The following CNTN5 variants were observed in gnomAD, a reference collection of about 807,000 sequenced individuals.
The protein encoded by CNTN5 is contactin 5.
CNTN5 carries 77 observed loss-of-function variants against 129.1 expected under a neutral mutation model. The observed-to-expected ratio is 0.60, with a 90% CI of 0.50 to 0.72. The LOEUF (loss-of-function observed/expected upper bound fraction) is 0.72. Among genes scored for constraint, CNTN5 ranks in the 30% least tolerant of loss-of-function variants. The probability of loss-of-function intolerance (pLI) is 0.00; values close to 1 mark genes in which losing one functional copy is unlikely to be tolerated. For synonymous variants in CNTN5, 509 were observed against 465.6 expected, an observed-to-expected ratio of 1.09 and a Z score of -1.20; for missense variants, 1,478 against 1,328.8, an observed-to-expected ratio of 1.11 and a Z score of -1.75.
intron 3 of CNTN5, among the ~76,000 whole-genome samples, chr11:99,562,374 G>A (rs577932424): frequency 1.6e-4 from 25 of 152,138 alleles, no homozygotes; most frequent in African/African-American, 5.8e-4. Flanking sequence ...GAATATACAT[G>A]TTAATAAACT....
chr11:99,565,658 A>G (rs1480158898), intron 3 of CNTN5, among the ~76,000 whole-genome samples: 10 of 152,174 alleles, frequency 6.6e-5, no homozygotes, highest in African/African-American at 2.2e-4. Context: ...AAAATGATTT[A>G]CTACTCCTTA....
chr11:100,054,198 A>G (rs1943102824), intron 9 of CNTN5, among the ~76,000 whole-genome samples: 1 of 151,706 alleles, frequency 6.6e-6, no homozygotes, highest in Non-Finnish European at 1.5e-5. Context: ...GCTACAATAT[A>G]GTGGCCAAAG....
At chr11:100,007,102 A>C (rs1940242192) in intron 9 of CNTN5, among the ~76,000 whole-genome samples, 1 of 151,978 alleles carries the variant, frequency 6.6e-6, no homozygotes, top group Non-Finnish European at 1.5e-5. Flanking sequence ...TTTTTTTCTG[A>C]GCTGTAGGTC....
chr11:99,978,994 T>A (rs1938173319), intron 8 of CNTN5, among the ~76,000 whole-genome samples: 1 of 152,230 alleles, frequency 6.6e-6, no homozygotes, highest in Admixed American at 6.5e-5. Context: ...CCGCTTTAAC[T>A]ATGTGACCCA....
chr11:99,564,540 T>A (rs12804234), intron 3 of CNTN5, among the ~76,000 whole-genome samples: 2 of 152,202 alleles, frequency 1.3e-5, no homozygotes, highest in African/African-American at 4.8e-5. Context: ...TAAAACTCTG[T>A]AAATTAATTT....
chr11:100,321,325 G>C (rs1951691832), intron 21 of CNTN5, among the ~76,000 whole-genome samples: 1 of 147,470 alleles, frequency 6.8e-6, no homozygotes, highest in Admixed American at 6.7e-5. Flanking sequence ...TTTTAAATAG[G>C]ATTGGTTTCC....
At chr11:99,091,101 G>C (rs570379771) in intron 1 of CNTN5, among the ~76,000 whole-genome samples, 5 of 148,096 alleles carry the variant, frequency 3.4e-5, no homozygotes, top group African/African-American at 1.3e-4. Flanking sequence ...ATGAAATCGA[G>C]ACCTAAATCA....
chr11:99,639,674 C>T (rs899421204), intron 3 of CNTN5, among the ~76,000 whole-genome samples: 11 of 145,870 alleles, frequency 7.5e-5, no homozygotes, highest in African/African-American at 2.8e-4. Flanking sequence ...AAGCGATTCC[C>T]CTGCCTCAGC....
intron 6 of CNTN5, among the ~76,000 whole-genome samples, chr11:99,889,476 G>C (rs1948999751): frequency 6.7e-6 from 1 of 149,128 alleles, no homozygotes; most frequent in African/African-American, 2.5e-5. Flanking sequence ...TTAAAAAAAA[G>C]TCCAACAAGC....
chr11:99,758,023 T>C (rs554557930), intron 3 of CNTN5, among the ~76,000 whole-genome samples: 1 of 152,076 alleles, frequency 6.6e-6, no homozygotes, highest in Non-Finnish European at 1.5e-5. Context: ...AACAAAATAC[T>C]AATCTTTACC....
chr11:99,063,194 A>C (rs1038548129), intron 1 of CNTN5, among the ~76,000 whole-genome samples: 1 of 152,092 alleles, frequency 6.6e-6, no homozygotes, highest in Non-Finnish European at 1.5e-5. Context: ...CAGTAAAAGG[A>C]GCTTTCAAGA....
At chr11:99,354,461 T>G (rs1938505749) in intron 2 of CNTN5, among the ~76,000 whole-genome samples, 1 of 152,164 alleles carries the variant, frequency 6.6e-6, no homozygotes, top group African/African-American at 2.4e-5. Flanking sequence ...GCTATAAGGA[T>G]TTTAACACAT....
chr11:100,337,627 G>A (rs1258208049), intron 21 of CNTN5: 7 of 699,536 alleles, frequency 1.0e-5, no homozygotes, highest in Non-Finnish European at 1.6e-5. Flanking sequence ...GCAGAATAAC[G>A]GGAACTAATT....
intron 3 of CNTN5, among the ~76,000 whole-genome samples, chr11:99,758,588 AT>A (rs1205197299): frequency 6.6e-6 from 1 of 152,062 alleles, no homozygotes; most frequent in Non-Finnish European, 1.5e-5. Context: ...ATAGAATGTG[AT>A]AAATTTAATT....
chr11:99,396,791 A>T (rs1313304678), intron 2 of CNTN5, among the ~76,000 whole-genome samples: 1 of 151,738 alleles, frequency 6.6e-6, no homozygotes, highest in Non-Finnish European at 1.5e-5. Context: ...AGAGCTAATG[A>T]TCAGGAATGT....
At chr11:99,889,577 C>T (rs1338195613) in intron 6 of CNTN5, among the ~76,000 whole-genome samples, 1 of 149,432 alleles carries the variant, frequency 6.7e-6, no homozygotes, top group Non-Finnish European at 1.5e-5. Context: ...CTCTTGTTGC[C>T]CAGGCTGGAG....
intron 8 of CNTN5, among the ~76,000 whole-genome samples, chr11:99,979,873 G>T (rs1248129262): frequency 1.3e-5 from 2 of 152,150 alleles, no homozygotes; most frequent in Non-Finnish European, 2.9e-5. Context: ...CGGACTTCCT[G>T]AATTCAAGTC....
At chr11:99,855,335 C>G (rs1431760547) in intron 6 of CNTN5, among the ~76,000 whole-genome samples, 1 of 152,054 alleles carries the variant, frequency 6.6e-6, no homozygotes, top group African/African-American at 2.4e-5. Context: ...ACAACAACAA[C>G]AAAACTTTGG....
At position 99,740,453 on chromosome 11, in the gene CNTN5, G is replaced by C. The variant is rs563845746; in HGVS notation, c.56-79091G>C. On this transcript the variant is annotated intron_variant, in intron 3 of 24. Transcript: ENST00000524871. ...ATTCTATAAATAAGATTTATGTTTT[G>C]AGAAACTCAAGTAAGAAAGCAGGAA... Among the ~76,000 whole-genome samples, 21 of 152,228 alleles carry C rather than the reference G, an allele frequency of 1.4e-4. No homozygotes were observed. The South Asian group carries it at 4.1e-3, about 30-fold the overall frequency.
Sources: allele counts gnomAD v4.1 joint callset (sites outside exome capture counted in the v4.1 genomes callset), GRCh38; gene constraint gnomAD v4.1.1; transcripts MANE v1.5; gene names NCBI Gene and HGNC (gene_info 2026-07-23, HGNC 2026-07-21).